Variants in SPATA6 observed in about 807,000 individuals in gnomAD.
The protein encoded by SPATA6 is spermatogenesis-associated protein 6.
SPATA6 carries 56 observed loss-of-function variants against 65.3 expected under a neutral mutation model. The ratio of observed to expected loss-of-function variants is 0.86; its 90% confidence interval spans 0.69 to 1.07. The LOEUF (loss-of-function observed/expected upper bound fraction) is 1.07. Among genes scored for constraint, SPATA6 ranks in the 50% least tolerant of loss-of-function variants. The pLI is 0.00. For missense variants in SPATA6, 590 were observed against 594.8 expected (o/e 0.99, Z 0.08); for synonymous variants, 199 against 213.2 (o/e 0.93, Z 0.58).
chr1:48,284,740 C>T, the SPATA6 span, among the ~76,000 whole-genome samples: 1 of 152,162 alleles, frequency 6.6e-6, no homozygotes, highest in Non-Finnish European at 1.5e-5. Context: ...ACCCTGTTTG[C>T]CTGGTTATCA....
chr1:48,425,265 T>C (rs1653729073), intron 3 of SPATA6, among the ~76,000 whole-genome samples: 1 of 152,186 alleles, frequency 6.6e-6, no homozygotes, highest in African/African-American at 2.4e-5. Context: ...CCCAGTGTTA[T>C]GTTTTTGACA....
At chr1:48,396,486 T>C (rs1650598191) in intron 7 of SPATA6, among the ~76,000 whole-genome samples, 1 of 151,726 alleles carries the variant, frequency 6.6e-6, no homozygotes, top group South Asian at 2.1e-4. Flanking sequence ...GCAACATTAC[T>C]CATAATATCC....
intron 9 of SPATA6, among the ~76,000 whole-genome samples, chr1:48,378,873 G>A (rs1005459505): frequency 6.6e-6 from 1 of 152,132 alleles, no homozygotes; most frequent in East Asian, 1.9e-4. Flanking sequence ...TAAAGAAAAT[G>A]TAGTATATGC....
intron 9 of SPATA6, among the ~76,000 whole-genome samples, chr1:48,365,985 T>G (rs553410328): frequency 6.6e-6 from 1 of 152,356 alleles, no homozygotes; most frequent in Admixed American, 6.5e-5. Context: ...CCTAATCTAT[T>G]GAGACTTTTT....
chr1:48,272,339 C>T, the SPATA6 span, among the ~76,000 whole-genome samples: 2 of 152,082 alleles, frequency 1.3e-5, no homozygotes, highest in Non-Finnish European at 2.9e-5. Context: ...ATCAATATCA[C>T]CCCATTTCCT....
At chr1:48,261,439 A>T in the SPATA6 span, among the ~76,000 whole-genome samples, 1 of 152,056 alleles carries the variant, frequency 6.6e-6, no homozygotes, top group Non-Finnish European at 1.5e-5. Context: ...TCTATTACGA[A>T]GAATGTAAAA....
intron 3 of SPATA6, among the ~76,000 whole-genome samples, chr1:48,427,593 T>C (rs572737057): frequency 1.3e-5 from 2 of 152,194 alleles, no homozygotes; most frequent in African/African-American, 4.8e-5. Context: ...AAAAATGACA[T>C]AATTTTGATA....
Position 48,298,607 on chromosome 1 carries a change from G to C in SPATA6, c.*106C>G, listed in dbSNP as rs534688671. ...TATTCAAGTATAACTATTGTACTTAGTTATAATCCCATTTTTTTTAAAAAA... is the reference window on the plus strand; with the variant it reads ...TATTCAAGTATAACTATTGTACTTACTTATAATCCCATTTTTTTTAAAAAA... On this transcript the variant is annotated 3_prime_UTR_variant, in exon 13 of 13. Coordinates refer to ENST00000371847, the MANE Select transcript of SPATA6 (RefSeq NM_019073.4). 1.1e-3 allele frequency: 1,173 copies of C among 1,111,040 alleles called. 2 individuals are homozygous for C. The highest frequency in any genetic ancestry group is 1.4e-3 in the Non-Finnish European group (1,108 of 781,740). 68.8% of individuals were successfully genotyped at this position (1,111,040 alleles called of 1,614,324 possible). A position where few individuals can be genotyped will look rare whatever the true frequency, so the allele number is the denominator to read the frequency against.
At chr1:48,287,037 CAAAAA>C in the SPATA6 span, among the ~76,000 whole-genome samples, 1 of 113,148 alleles carries the variant, frequency 8.8e-6, no homozygotes, top group Admixed American at 8.8e-5. Flanking sequence ...TAGACTGTCT[CAAAAA>C]AAAAAAAAAA....
chr1:48,276,000 C>G, the SPATA6 span, among the ~76,000 whole-genome samples: 1 of 152,094 alleles, frequency 6.6e-6, no homozygotes, highest in East Asian at 1.9e-4. Context: ...TAATTGCTGC[C>G]TCAATTTCAG....
At chr1:48,366,991 T>A (rs1253611698) in intron 9 of SPATA6, among the ~76,000 whole-genome samples, 3 of 152,244 alleles carry the variant, frequency 2.0e-5, no homozygotes, top group Non-Finnish European at 4.4e-5. Context: ...TTCTGGTATG[T>A]TGTGTCTTTG....
chr1:48,427,144 T>C (rs1653911486), intron 3 of SPATA6, among the ~76,000 whole-genome samples: 1 of 152,006 alleles, frequency 6.6e-6, no homozygotes, highest in African/African-American at 2.4e-5. Flanking sequence ...CCCAGGCTGA[T>C]CTTCAACTCC....
chr1:48,437,333 G>A, intron 3 of SPATA6: 2 of 1,504,404 alleles, frequency 1.3e-6, no homozygotes, highest in Non-Finnish European at 1.8e-6. Flanking sequence ...TACAGTTGGT[G>A]CACTGGAGAA....
intron 1 of SPATA6, among the ~76,000 whole-genome samples, chr1:48,459,115 G>A (rs1331501882): frequency 7.0e-6 from 1 of 143,756 alleles, no homozygotes; most frequent in African/African-American, 2.6e-5. Context: ...TGAGGCAGGA[G>A]AACTGCTTGA....
At chr1:48,372,376 A>G (rs879157842) in intron 9 of SPATA6, among the ~76,000 whole-genome samples, 4 of 152,168 alleles carry the variant, frequency 2.6e-5, no homozygotes, top group Non-Finnish European at 2.9e-5. Context: ...TAAAGCTCCA[A>G]AATGATCTCC....
intron 3 of SPATA6, among the ~76,000 whole-genome samples, chr1:48,439,338 G>A (rs1278084370): frequency 6.6e-6 from 1 of 152,188 alleles, no homozygotes; most frequent in Admixed American, 6.5e-5. Context: ...CTGCTGCGAT[G>A]CTGAGCGCAA....
At chr1:48,328,365 A>G (rs929550116) in intron 11 of SPATA6, among the ~76,000 whole-genome samples, 2 of 152,178 alleles carry the variant, frequency 1.3e-5, no homozygotes, top group South Asian at 2.1e-4. Flanking sequence ...TGATCCATCC[A>G]TCAACTGATG....
intron 11 of SPATA6, among the ~76,000 whole-genome samples, chr1:48,323,564 T>C (rs889686934): frequency 8.0e-6 from 1 of 125,738 alleles, no homozygotes; most frequent in Non-Finnish European, 1.7e-5. Context: ...ACTTAAAGTA[T>C]AATAAAAAAG....
At chr1:48,465,331 C>T (rs987370133) in intron 1 of SPATA6, among the ~76,000 whole-genome samples, 2 of 152,080 alleles carry the variant, frequency 1.3e-5, no homozygotes, top group African/African-American at 4.8e-5. Flanking sequence ...TTATTTTGTA[C>T]TCTGGCCTCC....
Sources: allele counts gnomAD v4.1 joint callset (sites outside exome capture counted in the v4.1 genomes callset), GRCh38; gene constraint gnomAD v4.1.1; transcripts MANE v1.5; gene names NCBI Gene and HGNC (gene_info 2026-07-23, HGNC 2026-07-21).